The following CFAP97 variants were observed in gnomAD, a reference collection of about 807,000 sequenced individuals.
CFAP97 encodes cilia- and flagella-associated protein 97.
CFAP97 carries 36 observed loss-of-function variants against 43.1 expected under a neutral mutation model. The observed-to-expected ratio is 0.84, with a 90% CI of 0.64 to 1.10. The LOEUF (loss-of-function observed/expected upper bound fraction) is 1.10. Among genes scored for constraint, CFAP97 ranks in the 50% least tolerant of loss-of-function variants. The probability of loss-of-function intolerance (pLI) is 0.00; values close to 1 mark genes in which losing one functional copy is unlikely to be tolerated. For missense variants in CFAP97, 657 were observed against 620.3 expected (o/e 1.06, Z -0.63); for synonymous variants, 228 against 225.7 (o/e 1.01, Z -0.09).
chr4:185,190,951 C>T lies in CFAP97; in HGVS notation c.246G>A (p.Glu82=), dbSNP rs764306548. 6.2e-7 allele frequency: 1 copy of T among 1,613,832 alleles called. No homozygotes were observed. The highest frequency in any genetic ancestry group is 8.5e-7 in the Non-Finnish European group (1 of 1,179,794). The change falls in exon 2 of 5, where the codon GAG becomes GAA. Residue 82 remains glutamate (E), a synonymous_variant. Transcript: ENST00000458385. ...AACTTACAGTTTGTGTAACATCATTCTCTACGGGGTGTTCTGGGGGAAATT... is the reference window on the plus strand; with the variant it reads ...AACTTACAGTTTGTGTAACATCATTTTCTACGGGGTGTTCTGGGGGAAATT... ...NVKFPPEHPV[E]NDVTQTVSSF...
rs1736169580 is a variant in CFAP97, at chr4:185,190,185, T to C, written c.1012A>G (p.Lys338Glu). ...DSSLDHRHKQ[K>E]VLHDTMDLNH... ...AGATCCATTGTGTCATGTAAGACTTTCTGTTTATGTCTGTGGTCTAAACTG... is the reference window on the plus strand; with the variant it reads ...AGATCCATTGTGTCATGTAAGACTTCCTGTTTATGTCTGTGGTCTAAACTG... Residue 338 changes from lysine (K) to glutamate (E), a missense_variant, in exon 2 of 5, where the codon AAA becomes GAA. Transcript: ENST00000458385. 6.3e-7 allele frequency: 1 copy of C among 1,595,968 alleles called. No individual in the cohort carries two copies. The highest frequency in any genetic ancestry group is 1.4e-5 in the African/African-American group (1 of 73,796).
Position 185,162,490 on chromosome 4 carries a change from C to A in CFAP97, c.*308G>T. The A allele has an allele frequency of 3.2e-6, 1 of 311,384 alleles. No individual in the cohort carries two copies. Among genetic ancestry groups the A allele is most frequent in the Non-Finnish European group, 6.0e-6 (1 of 165,780 alleles). The allele number at this position is 311,384 out of a possible 1,614,324, so 19.3% of individuals were successfully genotyped here. A position where few individuals can be genotyped will look rare whatever the true frequency, so the allele number is the denominator to read the frequency against. ...ACTATAGTGACCATCTTGGGTACGA[C>A]ATGCAATGATACTATCACTACTATT... On this transcript the variant is annotated 3_prime_UTR_variant, in exon 5 of 5. Transcript: ENST00000458385.
At chr4:185,201,166 A>AC (rs1736805195) in intron 1 of CFAP97, among the ~76,000 whole-genome samples, 2 of 151,896 alleles carry the variant, frequency 1.3e-5, no homozygotes, top group Admixed American at 1.3e-4. Context: ...TCTACTACAA[A>AC]TAAAAAAAAA....
Position 185,162,821 on chromosome 4 carries a change from TA to T in CFAP97, c.1575del (p.Asn526MetfsTer22), listed in dbSNP as rs1270172445. On this transcript the variant is annotated frameshift_variant, in exon 5 of 5. Transcript: ENST00000458385. LOFTEE classifies it high-confidence loss of function. ...TTTTATAACCAAGCTGTACGGACAT[TA>T]GGGGGTTTAGGTCTTCTTCGAGGGT... is the stretch of plus-strand genomic sequence containing the variant. Reference protein sequence around the residue: ...SGHPRRRPKPPNVRTAWL With the variant: ...SGHPRRRPKPXNVRTAWL 2 of 1,612,886 alleles carry T rather than the reference TA, an allele frequency of 1.2e-6. No homozygotes were observed. Among genetic ancestry groups the T allele is most frequent in the Non-Finnish European group, 1.7e-6 (2 of 1,179,578 alleles).
rs754102167 is a variant in CFAP97, at chr4:185,190,252, A to C, written c.945T>G (p.His315Gln). The C allele has an allele frequency of 1.6e-4, 259 of 1,613,452 alleles. No homozygotes were observed. Among genetic ancestry groups the C allele is most frequent in the Non-Finnish European group, 2.1e-4 (249 of 1,179,630 alleles). ...LKAAKKGKEKHEPDVSSKSSS... is the reference protein window; with the variant it reads ...LKAAKKGKEKQEPDVSSKSSS... ...ACGACTTTGAGGAGACATCAGGCTC[A>C]TGTTTTTCTTTCCCTTTTTTGGCTG... Residue 315 changes from histidine to glutamine, a missense_variant, in exon 2 of 5, where the codon CAT becomes CAG. By Grantham distance (24) the His-to-Gln change is conservative. Transcript: ENST00000458385.
Position 185,194,202 on chromosome 4 carries a change from T to C in CFAP97, c.-16-2990A>G, listed in dbSNP as rs116196348. Among the ~76,000 whole-genome samples, 802 of 152,140 alleles carry C rather than the reference T, an allele frequency of 5.3e-3. 8 individuals carry two copies. The highest frequency in any genetic ancestry group is 0.019 in the African/African-American group (772 of 41,500). The stretch of plus-strand genomic sequence containing the variant: ...AGCATCTGATCCCTTACTGAAAAGT[T>C]TGTAGGCCAGGCGCAGTGGCTCACG... On this transcript the variant is annotated intron_variant, in intron 1 of 4. Coordinates refer to ENST00000458385, the MANE Select transcript of CFAP97 (RefSeq NM_020827.3).
chr4:185,196,856 T>C (rs973670436), intron 1 of CFAP97, among the ~76,000 whole-genome samples: 1 of 152,070 alleles, frequency 6.6e-6, no homozygotes, highest in African/African-American at 2.4e-5. Context: ...TCCCAGCATT[T>C]TGGGAAGCTG....
chr4:185,162,689 C>T lies in CFAP97; in HGVS notation c.*109G>A. 1 of 1,185,968 alleles carries T rather than the reference C, an allele frequency of 8.4e-7. No individual in the cohort carries two copies. The allele number at this position is 1,185,968 out of a possible 1,614,324, so 73.5% of individuals were successfully genotyped here. On this transcript the variant is annotated 3_prime_UTR_variant, in exon 5 of 5. Coordinates refer to ENST00000458385, the MANE Select transcript of CFAP97 (RefSeq NM_020827.3). ...ATACATTACAACTCACTGTTGTACA[C>T]CTTCAATTGCTAAAACGGTATTCTA... is the stretch of plus-strand genomic sequence containing the variant.
At chr4:185,168,012 A>T (rs1221924892) in intron 3 of CFAP97, among the ~76,000 whole-genome samples, 1 of 151,772 alleles carries the variant, frequency 6.6e-6, no homozygotes, top group Non-Finnish European at 1.5e-5. Context: ...AAAAAAAAAA[A>T]AAAAAAAGAA....
upstream of CFAP97, chr4:185,209,779 G>C: frequency 7.1e-6 from 7 of 984,022 alleles, no homozygotes; most frequent in Non-Finnish European, 7.2e-6. This position sits in a 1 kb window ranked among gnomAD's most constrained non-coding sequence, Gnocchi z 5.2. Context: ...GCCGGCGGGG[G>C]ACCGGGGGGC....
chr4:185,175,501 C>G (rs892121493), intron 3 of CFAP97, among the ~76,000 whole-genome samples: 4 of 152,170 alleles, frequency 2.6e-5, no homozygotes, highest in African/African-American at 9.6e-5. Flanking sequence ...GTCTCAAACT[C>G]CTTGCCTCAA....
intron 2 of CFAP97, among the ~76,000 whole-genome samples, chr4:185,183,226 C>A (rs960224026): frequency 6.6e-6 from 1 of 152,168 alleles, no homozygotes; most frequent in African/African-American, 2.4e-5. Context: ...TTAGTATTCA[C>A]TACCTTAAGC....
intron 1 of CFAP97, among the ~76,000 whole-genome samples, chr4:185,198,908 C>T (rs926367933): frequency 2.6e-5 from 4 of 152,116 alleles, no homozygotes; most frequent in African/African-American, 7.2e-5. Flanking sequence ...CCAGTGCAGA[C>T]GAAACAGCCT....
At chr4:185,203,610 C>G (rs570306225) in intron 1 of CFAP97, among the ~76,000 whole-genome samples, 1 of 152,150 alleles carries the variant, frequency 6.6e-6, no homozygotes, top group African/African-American at 2.4e-5. Context: ...GGTCGCGGCC[C>G]AATCTCAATT....
chr4:185,206,032 A>C (rs75690083), upstream of CFAP97, among the ~76,000 whole-genome samples: 19,418 of 152,210 alleles, frequency 0.13, 1,309 homozygotes, highest in African/African-American at 0.15. Flanking sequence ...AAGAATGTGG[A>C]AAGATCGAAA....
intron 1 of CFAP97, among the ~76,000 whole-genome samples, chr4:185,194,156 C>A (rs181376255): frequency 3.4e-4 from 52 of 152,244 alleles, no homozygotes; most frequent in African/African-American, 1.1e-3. Flanking sequence ...GACCCTATGG[C>A]CCACAGAGAC....
intron 3 of CFAP97, among the ~76,000 whole-genome samples, chr4:185,171,662 T>C (rs1245386100): frequency 2.6e-5 from 4 of 152,228 alleles, no homozygotes; most frequent in Admixed American, 1.3e-4. Flanking sequence ...ATTGTTCTTA[T>C]GCTCATTCGG....
intron 1 of CFAP97, among the ~76,000 whole-genome samples, chr4:185,199,122 C>A (rs1306668829): frequency 6.6e-6 from 1 of 152,072 alleles, no homozygotes; most frequent in East Asian, 1.9e-4. Context: ...CCTGTAATTC[C>A]AGCACTTTGG....
At chr4:185,203,324 C>T (rs1452552734) in intron 1 of CFAP97, among the ~76,000 whole-genome samples, 1 of 152,226 alleles carries the variant, frequency 6.6e-6, no homozygotes, top group Non-Finnish European at 1.5e-5. Flanking sequence ...TTTCACCAAA[C>T]ATCAGGAAAA....
Sources: allele counts gnomAD v4.1 joint callset (sites outside exome capture counted in the v4.1 genomes callset), GRCh38; gene constraint gnomAD v4.1.1; non-coding constraint Gnocchi (gnomAD v3.1); transcripts MANE v1.5; gene names NCBI Gene and HGNC (gene_info 2026-07-23, HGNC 2026-07-21).